COL5A1: variants seen among roughly 807,000 people sequenced by gnomAD.
COL5A1 encodes the protein collagen type V alpha 1 chain, also known as collagen alpha-1(V) chain.
COL5A1 carries 16 observed loss-of-function variants against 263.7 expected under a neutral mutation model. The observed-to-expected ratio is 0.06, with a 90% CI of 0.04 to 0.09. The LOEUF is 0.09. COL5A1 is among the 10% of genes least tolerant of loss of function. The pLI is 1.00. For synonymous variants in COL5A1, 1,012 were observed against 1,004.5 expected (o/e 1.01, Z -0.14); for missense variants, 2,036 against 2,540.5 (o/e 0.80, Z 4.27).
chr9:134,814,777 C>A lies in COL5A1; in HGVS notation c.3907-20C>A. 1 of 1,539,174 alleles carries A rather than the reference C, an allele frequency of 6.5e-7. No homozygotes were observed. Among genetic ancestry groups the A allele is most frequent in the Non-Finnish European group, 8.8e-7 (1 of 1,135,772 alleles). The stretch of plus-strand genomic sequence containing the variant: ...GACGTGGTTGGCTCTGAGGACTTGA[C>A]ACTGGCCTCTTTCCTCCAGGGACCC... On this transcript the variant is annotated intron_variant, in intron 49 of 65. Coordinates refer to ENST00000371817, the MANE Select transcript of COL5A1 (RefSeq NM_000093.5).
chr9:134,714,865 G>A (rs1260211103), intron 4 of COL5A1, among the ~76,000 whole-genome samples: 1 of 140,954 alleles, frequency 7.1e-6, no homozygotes, highest in African/African-American at 2.6e-5. Flanking sequence ...GGTAGTGGAG[G>A]TGATGGTAGT....
rs761802703 is a variant in COL5A1 at position 134,824,781 on chromosome 9, G to A, written c.4880G>A (p.Arg1627Gln). ...SLKLEIEQMK[R>Q]PLGTQQNPAR... Reference sequence around the variant, plus strand: ...AAGCTGGAGATTGAGCAGATGAAACGGCCCCTGGGCACGCAGCAGAACCCC... The same window carrying A: ...AAGCTGGAGATTGAGCAGATGAAACAGCCCCTGGGCACGCAGCAGAACCCC... Residue 1627 changes from arginine (R) to glutamine (Q), a missense_variant, in exon 62 of 66, where the codon CGG becomes CAG. Arg to Gln is a conservative substitution (Grantham distance 43, BLOSUM62 1). Around this residue, in one of 3 missense-constraint regions of COL5A1, gnomAD observed 358 missense variants for 384.6 expected, o/e 0.93. Coordinates refer to ENST00000371817, the MANE Select transcript of COL5A1 (RefSeq NM_000093.5). 39 of 1,614,028 alleles carry A rather than the reference G, an allele frequency of 2.4e-5. No individual in the cohort carries two copies. The highest frequency in any genetic ancestry group is 1.6e-4 in the East Asian group (7 of 44,886).
intron 18 of COL5A1, among the ~76,000 whole-genome samples, chr9:134,761,298 C>T (rs1836430355): frequency 6.6e-6 from 1 of 152,012 alleles, no homozygotes; most frequent in Non-Finnish European, 1.5e-5. Context: ...CACAAACACA[C>T]AGGCGCACCC....
chr9:134,804,447 G>A (rs1427708481), intron 39 of COL5A1, among the ~76,000 whole-genome samples: 6 of 152,112 alleles, frequency 3.9e-5, no homozygotes, highest in Non-Finnish European at 7.4e-5. Context: ...TGCTTTTAAT[G>A]CTATTTCGAC....
chr9:134,726,241 A>G (rs982622738), intron 4 of COL5A1, among the ~76,000 whole-genome samples: 1 of 151,438 alleles, frequency 6.6e-6, no homozygotes, highest in African/African-American at 2.4e-5. Context: ...TGGTAAATGG[A>G]TGAGTGAATG....
Position 134,716,721 on chromosome 9 carries a change from A to C in COL5A1, c.655-10545A>C, listed in dbSNP as rs1834276347. 6.6e-6 allele frequency among the ~76,000 whole-genome samples: 1 copy of C among 152,128 alleles called. No individual in the cohort carries two copies. Among genetic ancestry groups the C allele is most frequent in the Non-Finnish European group, 1.5e-5 (1 of 68,032 alleles). ...CCCTGTGGCCAGCTTCAGGGTGTGC[A>C]TGAGGCTGTGACCTGATCATGCCCC... is the stretch of plus-strand genomic sequence containing the variant. On this transcript the variant is annotated intron_variant, in intron 4 of 65. Coordinates refer to ENST00000371817, the MANE Select transcript of COL5A1 (RefSeq NM_000093.5). The surrounding 1 kb of genome is among the most constrained non-coding windows in gnomAD (Gnocchi z 4.5).
At chr9:134,771,042 C>G (rs181716770) in intron 25 of COL5A1, among the ~76,000 whole-genome samples, 1 of 152,238 alleles carries the variant, frequency 6.6e-6, no homozygotes, top group Non-Finnish European at 1.5e-5. Flanking sequence ...CCTGGGTGGG[C>G]GCAGTTCTGA....
chr9:134,822,302 C>T lies in COL5A1; in HGVS notation c.4608+152C>T, dbSNP rs933852913. 7.4e-6 allele frequency: 5 copies of T among 671,434 alleles called. No individual in the cohort carries two copies. In the East Asian group the frequency reaches 7.7e-5, roughly 10 times the overall value. The allele number at this position is 671,434 out of a possible 1,614,324, so 41.6% of individuals were successfully genotyped here. ...AGGGTGGATTTGCCCATTAACTCAA[C>T]ATTGGGGTTCCAGGAGACAGAAGAA... On this transcript the variant is annotated intron_variant, in intron 59 of 65. Coordinates refer to ENST00000371817, the MANE Select transcript of COL5A1 (RefSeq NM_000093.5).
At chr9:134,804,868 G>A (rs911715426) in intron 39 of COL5A1, 107 bp from the exon 40 acceptor site, 9 of 956,060 alleles carry the variant, frequency 9.4e-6, no homozygotes, top group African/African-American at 6.5e-5. Flanking sequence ...AGAGGTCTGC[G>A]TTGCTGGCTC....
At chr9:134,800,343 A>G (rs1838063090) in intron 37 of COL5A1, among the ~76,000 whole-genome samples, 1 of 151,984 alleles carries the variant, frequency 6.6e-6, no homozygotes, top group African/African-American at 2.4e-5. Flanking sequence ...ACACCCATCC[A>G]CCGTTCCTTA....
Position 134,795,383 on chromosome 9 carries a change from C to T in COL5A1, c.2799+68C>T, listed in dbSNP as rs563475193. 7.6e-5 allele frequency: 101 copies of T among 1,333,652 alleles called. No homozygotes were observed. The Admixed American group carries it at 9.1e-4, about 12-fold the overall frequency. 82.6% of individuals were successfully genotyped at this position (1,333,652 alleles called of 1,614,324 possible). A position where few individuals can be genotyped will look rare whatever the true frequency, so the allele number is the denominator to read the frequency against. ...GTTGCAAGGCTACAGAGACGTGGAG[C>T]GTCTGAGGGTGTCTGTGACCTTTTT... On this transcript the variant is annotated intron_variant, in intron 34 of 65. Transcript: ENST00000371817.
intron 48 of COL5A1, 36 bp downstream of exon 48, chr9:134,812,748 G>A (rs1564476153): frequency 7.9e-6 from 11 of 1,387,474 alleles, no homozygotes; most frequent in Non-Finnish European, 1.1e-5. Context: ...CAGATTTGCG[G>A]TTGTTTGAGG....
At chr9:134,761,757 C>T (rs181955379) in intron 18 of COL5A1, among the ~76,000 whole-genome samples, 168 bp from the exon 19 acceptor site, 6 of 152,310 alleles carry the variant, frequency 3.9e-5, no homozygotes, top group Admixed American at 3.3e-4. Flanking sequence ...CTGCATTAGC[C>T]CGGCTGAGGC....
At chr9:134,708,973 C>T (rs1216494293) in intron 4 of COL5A1, 1 of 456,606 alleles carries the variant, frequency 2.2e-6, no homozygotes. Context: ...TCTCTCTTCC[C>T]CCTGTGTCTC....
Position 134,780,091 on chromosome 9 carries a change from C to T in COL5A1, c.2386-11C>T. The T allele has an allele frequency of 6.2e-7, 1 of 1,613,492 alleles. No homozygotes were observed. Among genetic ancestry groups the T allele is most frequent in the Non-Finnish European group, 8.5e-7 (1 of 1,179,978 alleles). On this transcript the variant is annotated splice_polypyrimidine_tract_variant and intron_variant, in intron 27 of 65. Coordinates refer to ENST00000371817, the MANE Select transcript of COL5A1 (RefSeq NM_000093.5). ...AACCATTCACTCCTTTTTCTTTTCC[C>T]ACCCGCACAGGGGGCCGATGGCATC...
At chr9:134,699,883 C>T in intron 2 of COL5A1, 26 bp from the exon 3 acceptor site, 2 of 1,611,712 alleles carry the variant, frequency 1.2e-6, no homozygotes, top group Non-Finnish European at 1.7e-6. Context: ...CCCCGACTGC[C>T]TTCTCACCTC....
chr9:134,679,787 C>T (rs538744088), intron 1 of COL5A1, among the ~76,000 whole-genome samples: 8 of 149,454 alleles, frequency 5.4e-5, no homozygotes, highest in East Asian at 1.9e-4. Context: ...GGAGGTGCCC[C>T]GGTGCTCTCC....
intron 20 of COL5A1, among the ~76,000 whole-genome samples, chr9:134,764,231 A>G (rs1223490183): frequency 2.1e-5 from 2 of 93,742 alleles, no homozygotes; most frequent in Non-Finnish European, 4.1e-5. Flanking sequence ...TAGGGGCAAC[A>G]TGGCAGGGTT....
intron 1 of COL5A1, among the ~76,000 whole-genome samples, chr9:134,646,745 G>A (rs1470643586): frequency 1.3e-5 from 2 of 152,174 alleles, no homozygotes; most frequent in Non-Finnish European, 2.9e-5. Flanking sequence ...GGGCCTCTGG[G>A]GGTGATTTTG....
Sources: gnomAD v4.1 joint callset for allele counts (sites outside exome capture counted in the v4.1 genomes callset) on GRCh38, gnomAD v4.1.1 for gene constraint, gnomAD v4.1.1 regional missense constraint, Gnocchi (gnomAD v3.1) non-coding constraint, MANE v1.5 for transcripts, NCBI Gene and HGNC (gene_info 2026-07-23, HGNC 2026-07-21) for gene names.